The following DNAAF9 variants were observed in gnomAD, a reference collection of about 807,000 sequenced individuals.
DNAAF9 encodes dynein axonemal assembly factor 9, also known as shulin.
In DNAAF9, 90 loss-of-function variants were observed where a neutral mutation model predicts 167.0. That is an observed-to-expected ratio of 0.54 (90% CI 0.45 to 0.64). DNAAF9 has a LOEUF of 0.64. Ranked by LOEUF, DNAAF9 falls within the 30% of genes least tolerant of loss-of-function variation. DNAAF9 has a pLI of 0.00. For missense variants in DNAAF9, 1,315 were observed against 1,442.2 expected, an observed-to-expected ratio of 0.91 and a Z score of 1.43; for synonymous variants, 491 against 508.8, an observed-to-expected ratio of 0.96 and a Z score of 0.47.
Position 3,308,575 on chromosome 20 carries a change from C to T in DNAAF9, c.1679-4032G>A, listed in dbSNP as rs148723626. On this transcript the variant is annotated intron_variant, in intron 20 of 36. Transcript: ENST00000252032. ...GCCAGGCTAGTCTCGAACTCCTGAC[C>T]TCAGGTGACCTGCCCGCCTCGGCCT... Among the ~76,000 whole-genome samples the T allele has an allele frequency of 4.1e-3, 626 of 152,044 alleles. 5 individuals are homozygous for T. Among genetic ancestry groups the T allele is most frequent in the African/African-American group, 0.014 (595 of 41,516 alleles).
At chr20:3,332,759 T>C (rs1255791149) in intron 10 of DNAAF9, among the ~76,000 whole-genome samples, 1 of 152,292 alleles carries the variant, frequency 6.6e-6, no homozygotes, top group East Asian at 1.9e-4. Flanking sequence ...CCACTGCACC[T>C]GGCCAGAAAT....
chr20:3,273,387 C>T (rs544743258), intron 29 of DNAAF9, among the ~76,000 whole-genome samples: 1 of 152,192 alleles, frequency 6.6e-6, no homozygotes, highest in East Asian at 1.9e-4. Context: ...ATACCTGAGG[C>T]TGACTAATTT....
chr20:3,361,210 G>A (rs766203530), intron 6 of DNAAF9, among the ~76,000 whole-genome samples: 11 of 152,158 alleles, frequency 7.2e-5, no homozygotes, highest in African/African-American at 2.4e-4. Flanking sequence ...CGATAAAGGT[G>A]GGGGAGAGAA....
chr20:3,406,941 T>G (rs985492837), intron 1 of DNAAF9, among the ~76,000 whole-genome samples: 2 of 151,568 alleles, frequency 1.3e-5, no homozygotes, highest in African/African-American at 2.4e-5. Flanking sequence ...AGGAAGCCGT[T>G]GTCAAGGGCA....
intron 16 of DNAAF9, among the ~76,000 whole-genome samples, 189 bp downstream of exon 16, chr20:3,322,028 G>A (rs1057204201): frequency 1.3e-5 from 2 of 152,192 alleles, no homozygotes; most frequent in Admixed American, 1.3e-4. Context: ...GGTGGGCCTA[G>A]CACAGCTACC....
intron 10 of DNAAF9, among the ~76,000 whole-genome samples, chr20:3,336,533 T>C (rs1194332908): frequency 6.6e-6 from 1 of 152,012 alleles, no homozygotes; most frequent in Non-Finnish European, 1.5e-5. Context: ...TTCACTGAGT[T>C]TTTAAATTTG....
chr20:3,328,548 C>T (rs1184215769), intron 12 of DNAAF9, among the ~76,000 whole-genome samples: 1 of 152,162 alleles, frequency 6.6e-6, no homozygotes, highest in Non-Finnish European at 1.5e-5. Context: ...GCAAATCTCC[C>T]AATGTGCACC....
intron 20 of DNAAF9, among the ~76,000 whole-genome samples, chr20:3,305,792 C>A (rs2236109): frequency 0.25 from 37,991 of 152,038 alleles, 5,345 homozygotes; most frequent in African/African-American, 0.37. Flanking sequence ...CCAGATGCCC[C>A]GTCAGAGGGA....
intron 30 of DNAAF9, among the ~76,000 whole-genome samples, chr20:3,268,012 G>C (rs1454416252): frequency 4.0e-5 from 6 of 151,252 alleles, no homozygotes; most frequent in Non-Finnish European, 8.8e-5. Flanking sequence ...TTGATATACA[G>C]ATAGGTTTAC....
intron 1 of DNAAF9, among the ~76,000 whole-genome samples, chr20:3,403,129 C>T (rs2084011945): frequency 6.6e-6 from 1 of 152,068 alleles, no homozygotes; most frequent in South Asian, 2.1e-4. Flanking sequence ...CCTTGATTCC[C>T]CCACTTCCAA....
chr20:3,333,919 A>G (rs1166864642), intron 10 of DNAAF9, among the ~76,000 whole-genome samples: 1 of 152,212 alleles, frequency 6.6e-6, no homozygotes, highest in African/African-American at 2.4e-5. Context: ...GATTGTCTTA[A>G]GTAGTTAAAA....
Position 3,407,511 on chromosome 20 carries a change from G to T in DNAAF9, c.47C>A (p.Ser16Tyr). 1 of 1,277,104 alleles carries T rather than the reference G, an allele frequency of 7.8e-7. No homozygotes were observed. The highest frequency in any genetic ancestry group is 2.8e-5 in the South Asian group (1 of 36,290). The allele number at this position is 1,277,104 out of a possible 1,614,324, so 79.1% of individuals were successfully genotyped here. Residue 16 changes from serine to tyrosine, a missense_variant, in exon 1 of 37, where the codon TCC (serine) becomes TAC (tyrosine). By Grantham distance (144) the Ser-to-Tyr change is moderately radical (BLOSUM62 -2). Around this residue, in one of 2 missense-constraint regions of DNAAF9, gnomAD observed 981 missense variants for 1,012.5 expected, o/e 0.97. Coordinates refer to ENST00000252032, the MANE Select transcript of DNAAF9 (RefSeq NM_001009984.3). ...TGACCCGCGGCTGGAGCCGCCAGGG[G>T]ACCGAGCGCGGGGCAGCCCCTGCCG... ...PRRQGLPRAR[S>Y]PGGSSRGSPS... is the part of the protein sequence containing the mutation.
chr20:3,375,882 C>A (rs1347070603), intron 4 of DNAAF9, among the ~76,000 whole-genome samples: 2 of 151,196 alleles, frequency 1.3e-5, no homozygotes, highest in Non-Finnish European at 2.9e-5. Context: ...AGTCCCTAGG[C>A]ACTAATCCCC....
At chr20:3,353,398 G>C (rs1223732791) in intron 7 of DNAAF9, among the ~76,000 whole-genome samples, 1 of 151,984 alleles carries the variant, frequency 6.6e-6, no homozygotes, top group African/African-American at 2.4e-5. Flanking sequence ...TTTGGGAGTG[G>C]GCAGATCACC....
chr20:3,393,765 T>C (rs942556334), intron 1 of DNAAF9, among the ~76,000 whole-genome samples: 8 of 152,202 alleles, frequency 5.3e-5, no homozygotes, highest in African/African-American at 1.9e-4. Context: ...TTGATAGGTG[T>C]TGCCAAATTG....
At chr20:3,262,989 T>G (rs1489192408) in intron 31 of DNAAF9, among the ~76,000 whole-genome samples, 1 of 144,508 alleles carries the variant, frequency 6.9e-6, no homozygotes, top group African/African-American at 2.6e-5. Flanking sequence ...TTTTTTTTTT[T>G]TTTGAGACGG....
intron 21 of DNAAF9, among the ~76,000 whole-genome samples, chr20:3,302,373 C>T (rs183142933): frequency 6.8e-4 from 103 of 152,224 alleles, no homozygotes; most frequent in Non-Finnish European, 7.4e-5. Flanking sequence ...TCAACTCAAA[C>T]ATTTATCATT....
In DNAAF9 at chr20:3,294,586, C is replaced by T; in HGVS notation, c.2062G>A (p.Ala688Thr). 6.2e-7 allele frequency: 1 copy of T among 1,613,866 alleles called. No homozygotes were observed. The highest frequency in any genetic ancestry group is 2.2e-5 in the East Asian group (1 of 44,872). Reference sequence around the variant, plus strand: ...TTTAGGGAACTCCGTTTCTCCCCAGCAGGCTGGCTCAGGGCACTGAAGAGC... The same window carrying T: ...TTTAGGGAACTCCGTTTCTCCCCAGTAGGCTGGCTCAGGGCACTGAAGAGC... ...QKLFSALSQP[A>T]GEKRSSLKLL... The change falls in exon 24 of 37, where the codon GCT becomes ACT. Residue 688 changes from alanine to threonine, a missense_variant. Ala to Thr is a moderately conservative substitution (Grantham distance 58). This residue lies in a region of DNAAF9 where 981 missense variants were observed against 1,012.5 expected (regional missense o/e 0.97). Coordinates refer to ENST00000252032, the MANE Select transcript of DNAAF9 (RefSeq NM_001009984.3).
At position 3,294,377 on chromosome 20, in the gene DNAAF9, A is replaced by G. The variant is rs1464597290; in HGVS notation, c.2121-121T>C. The G allele has an allele frequency of 8.4e-6, 7 of 829,348 alleles. No homozygotes were observed. In the East Asian group the frequency reaches 1.7e-4, roughly 20 times the overall value. The allele number at this position is 829,348 out of a possible 1,614,324, so 51.4% of individuals were successfully genotyped here. A position where few individuals can be genotyped will look rare whatever the true frequency, so the allele number is the denominator to read the frequency against. ...TAAACCTTGGAGAGATTCTCTCTAGAGAATAAAATTGTGTACAGTGTGTTA... is the reference window on the plus strand; with the variant it reads ...TAAACCTTGGAGAGATTCTCTCTAGGGAATAAAATTGTGTACAGTGTGTTA... On this transcript the variant is annotated intron_variant, in intron 24 of 36. Transcript: ENST00000252032.
Sources: allele counts gnomAD v4.1 joint callset (sites outside exome capture counted in the v4.1 genomes callset), GRCh38; gene constraint gnomAD v4.1.1; regional missense constraint gnomAD v4.1.1; transcripts MANE v1.5; gene names NCBI Gene and HGNC (gene_info 2026-07-23, HGNC 2026-07-21).